CTIF: variants seen among roughly 807,000 people sequenced by gnomAD.
CTIF encodes the protein cap binding complex dependent translation initiation factor.
Under a neutral mutation model 66.0 loss-of-function variants are expected in CTIF, and 21 were observed. The observed-to-expected ratio is 0.32, with a 90% confidence interval of 0.23 to 0.46. The LOEUF (loss-of-function observed/expected upper bound fraction) is 0.46, where lower values mean the gene tolerates loss of function less well. Among genes scored for constraint, CTIF ranks in the 20% least tolerant of loss-of-function variants. The pLI is 1.00. For synonymous variants in CTIF, 345 were observed against 326.4 expected (o/e 1.06, Z -0.62); for missense variants, 739 against 812.7 (o/e 0.91, Z 1.10).
At chr18:48,851,548 A>T (rs564026463) in intron 10 of CTIF, among the ~76,000 whole-genome samples, 2 of 152,194 alleles carry the variant, frequency 1.3e-5, no homozygotes, top group African/African-American at 4.8e-5. Flanking sequence ...GAAATTTCTC[A>T]TATTATTACT....
intron 10 of CTIF, among the ~76,000 whole-genome samples, chr18:48,837,517 G>A (rs1404659324): frequency 2.0e-5 from 3 of 152,140 alleles, no homozygotes; most frequent in African/African-American, 7.2e-5. Context: ...GGGCCTAGGG[G>A]CACCTGAGCC....
At chr18:48,572,894 G>A (rs1396324691) in intron 1 of CTIF, among the ~76,000 whole-genome samples, 2 of 152,078 alleles carry the variant, frequency 1.3e-5, no homozygotes, top group Admixed American at 6.6e-5. Flanking sequence ...TCAGGAGGCC[G>A]AGGTGGGAGG....
At chr18:48,811,996 T>C (rs370452747) in intron 9 of CTIF, among the ~76,000 whole-genome samples, 6 of 152,234 alleles carry the variant, frequency 3.9e-5, no homozygotes, top group African/African-American at 1.4e-4. Context: ...GGAGTCTCAC[T>C]CTGTCCCCCA....
intron 10 of CTIF, among the ~76,000 whole-genome samples, chr18:48,855,874 G>A (rs979141865): frequency 2.0e-5 from 3 of 152,198 alleles, no homozygotes; most frequent in African/African-American, 4.8e-5. Flanking sequence ...AGCTGGAGGT[G>A]ACATGGAGCT....
intron 5 of CTIF, among the ~76,000 whole-genome samples, chr18:48,666,603 C>T (rs2091439142): frequency 6.6e-6 from 1 of 152,214 alleles, no homozygotes; most frequent in African/African-American, 2.4e-5. Flanking sequence ...CAGGAGACAC[C>T]AGCCTCTCAC....
chr18:48,687,470 A>G (rs1416793815), intron 6 of CTIF, among the ~76,000 whole-genome samples: 1 of 152,014 alleles, frequency 6.6e-6, no homozygotes, highest in Non-Finnish European at 1.5e-5. Context: ...CCTACACAAG[A>G]GCCACCAGGG....
chr18:48,605,031 G>GGA (rs756237448), intron 1 of CTIF, among the ~76,000 whole-genome samples: 1 of 152,154 alleles, frequency 6.6e-6, no homozygotes, highest in Non-Finnish European at 1.5e-5. Context: ...ATCAGTTGAT[G>GGA]GATGTTTGTG....
intron 9 of CTIF, among the ~76,000 whole-genome samples, chr18:48,782,554 G>A (rs1361039126): frequency 6.6e-6 from 1 of 152,216 alleles, no homozygotes; most frequent in East Asian, 1.9e-4. Flanking sequence ...GCAGCGCCCA[G>A]GGGACATGAA....
chr18:48,549,548 C>G (rs1169782527), intron 1 of CTIF, among the ~76,000 whole-genome samples: 1 of 152,210 alleles, frequency 6.6e-6, no homozygotes, highest in Non-Finnish European at 1.5e-5. Flanking sequence ...AGCACATTGG[C>G]CTTTGTTCTC....
At position 48,769,277 on chromosome 18, in the gene CTIF, C is replaced by G. The variant is rs548392156; in HGVS notation, c.1371+7588C>G. ...GTGCATTCCAAAGCTTGAGCAAAAG[C>G]CCTGGCCATACCCACATCGAGCTCC... On this transcript the variant is annotated intron_variant, in intron 9 of 11. Transcript: ENST00000256413. Among the ~76,000 whole-genome samples, 4 of 152,242 alleles carry G rather than the reference C, an allele frequency of 2.6e-5. No individual in the cohort carries two copies. The South Asian group carries it at 8.3e-4, about 31-fold the overall frequency.
chr18:48,797,009 C>T (rs1322775518), intron 9 of CTIF, among the ~76,000 whole-genome samples: 1 of 152,172 alleles, frequency 6.6e-6, no homozygotes, highest in Non-Finnish European at 1.5e-5. Flanking sequence ...GCAGCACTGG[C>T]CTCCCTCTGC....
At chr18:48,587,757 C>A (rs991739685) in intron 1 of CTIF, among the ~76,000 whole-genome samples, 5 of 152,162 alleles carry the variant, frequency 3.3e-5, no homozygotes, top group African/African-American at 1.2e-4. Flanking sequence ...AAGATTATGA[C>A]ACCTGTAAGA....
chr18:48,646,938 G>A (rs1476714352), intron 3 of CTIF, among the ~76,000 whole-genome samples: 6 of 136,272 alleles, frequency 4.4e-5, no homozygotes. Flanking sequence ...AAACCTGCAA[G>A]TACCATATGA....
intron 10 of CTIF, among the ~76,000 whole-genome samples, chr18:48,841,454 T>C (rs558495382): frequency 1.3e-5 from 2 of 152,340 alleles, no homozygotes; most frequent in South Asian, 2.1e-4. Context: ...ATTGAGTGGC[T>C]GGACTGTGGT....
chr18:48,695,719 G>A (rs111842252), intron 6 of CTIF, among the ~76,000 whole-genome samples: 1 of 152,178 alleles, frequency 6.6e-6, no homozygotes, highest in East Asian at 1.9e-4. Context: ...ATTACAGCCC[G>A]TTGCTATCAT....
At chr18:48,603,499 G>GTGGATGGATGGA (rs1158667685) in intron 1 of CTIF, among the ~76,000 whole-genome samples, 146 of 112,934 alleles carry the variant, frequency 1.3e-3, no homozygotes, top group Non-Finnish European at 1.7e-3. Context: ...GGGTGGGTGG[G>GTGGATGGATGGA]TGGATGGATG....
At chr18:48,834,300 A>T (rs1489370440) in intron 10 of CTIF, among the ~76,000 whole-genome samples, 1 of 152,214 alleles carries the variant, frequency 6.6e-6, no homozygotes, top group African/African-American at 2.4e-5. Flanking sequence ...TGCCAACGAA[A>T]CCTTATTTAT....
chr18:48,800,842 C>G (rs537124581), intron 9 of CTIF, among the ~76,000 whole-genome samples: 2 of 152,376 alleles, frequency 1.3e-5, no homozygotes, highest in South Asian at 4.1e-4. Flanking sequence ...CATATCTTGA[C>G]ACACTAGTGA....
chr18:48,724,370 A>C (rs2092367385), intron 7 of CTIF, among the ~76,000 whole-genome samples: 1 of 151,526 alleles, frequency 6.6e-6, no homozygotes, highest in African/African-American at 2.4e-5. Flanking sequence ...CTCTGTCCCC[A>C]CCTACCCTCC....
Sources: gnomAD v4.1 joint callset for allele counts (sites outside exome capture counted in the v4.1 genomes callset) on GRCh38, gnomAD v4.1.1 for gene constraint, MANE v1.5 for transcripts, NCBI Gene and HGNC (gene_info 2026-07-23, HGNC 2026-07-21) for gene names.